The following HAUS8 variants were observed in gnomAD, a reference collection of about 807,000 sequenced individuals.
The protein encoded by HAUS8 is HAUS augmin-like complex subunit 8.
A neutral mutation model predicts 42.9 loss-of-function variants in HAUS8; 38 were observed. The observed-to-expected ratio is 0.89, with a 90% confidence interval of 0.68 to 1.16. The LOEUF is 1.16. Among genes scored for constraint, HAUS8 ranks in the 50% most tolerant of loss-of-function variants. The pLI, the probability that HAUS8 is intolerant of heterozygous loss-of-function variation, is 0.00. For missense variants in HAUS8, 494 were observed against 511.6 expected (o/e 0.97, Z 0.33); for synonymous variants, 199 against 205.8 (o/e 0.97, Z 0.28).
Position 17,050,076 on chromosome 19 carries a change from TG to T in HAUS8, c.1029del (p.Ser344AlafsTer86). ...CTGTCTTGATTGAAATACCACCGGC[TG>T]GGGGGCGCCATGCCCTGGGTCTCTT... is the stretch of plus-strand genomic sequence containing the variant. ...VWEETQGMAP[P>X]SRWYFNQDSA... On this transcript the variant is annotated frameshift_variant, in exon 11 of 11. Transcript: ENST00000253669. LOFTEE classifies it low-confidence loss of function (END_TRUNC). 1.9e-6 allele frequency: 3 copies of T among 1,603,866 alleles called. No homozygotes were observed. The highest frequency in any genetic ancestry group is 2.3e-5 in the East Asian group (1 of 43,828).
In HAUS8 at chr19:17,052,552, G is replaced by T. The variant is rs146824066; in HGVS notation, c.929+273C>A. Reference sequence around the variant, plus strand: ...GAGATCTGCCACTGCACTCCAGCCTGGGCGACAGAGTGAGAACCTGTCTCA... The same window carrying T: ...GAGATCTGCCACTGCACTCCAGCCTTGGCGACAGAGTGAGAACCTGTCTCA... On this transcript the variant is annotated intron_variant, in intron 10 of 10. Transcript: ENST00000253669. 228 of 314,112 alleles carry T rather than the reference G, an allele frequency of 7.3e-4. 1 individual carries two copies. The highest frequency in any genetic ancestry group is 2.7e-3 in the African/African-American group (124 of 45,622). 19.5% of individuals were successfully genotyped at this position (314,112 alleles called of 1,614,324 possible).
chr19:17,065,880 G>A (rs2057384447), intron 3 of HAUS8, among the ~76,000 whole-genome samples: 1 of 150,530 alleles, frequency 6.6e-6, no homozygotes, highest in African/African-American at 2.5e-5. Context: ...TAGCTAACAC[G>A]TGGAGATTCC....
At position 17,058,887 on chromosome 19, in the gene HAUS8, GA is replaced by G. The variant is rs1568636846; in HGVS notation, c.421-12del. 1.2e-6 allele frequency: 2 copies of G among 1,604,998 alleles called. No homozygotes were observed. Among genetic ancestry groups the G allele is most frequent in the African/African-American group, 1.3e-5 (1 of 74,682 alleles). On this transcript the variant is annotated splice_polypyrimidine_tract_variant and intron_variant, in intron 6 of 10. Transcript: ENST00000253669. ...TGCTTCAGATAAATCCTTAAGAAAAGAAAAAGACCCTCTCAATTCCTGATGA... is the reference window on the plus strand; with the variant it reads ...TGCTTCAGATAAATCCTTAAGAAAAGAAAAGACCCTCTCAATTCCTGATGA...
chr19:17,055,695 T>C, intron 9 of HAUS8, 166 bp downstream of exon 9: 1 of 670,954 alleles, frequency 1.5e-6, no homozygotes, highest in South Asian at 1.9e-5. Context: ...GGTTACTTAC[T>C]CAGGGCGAGA....
chr19:17,072,652 T>C (rs114353820), intron 2 of HAUS8, among the ~76,000 whole-genome samples: 1 of 152,012 alleles, frequency 6.6e-6, no homozygotes, highest in Non-Finnish European at 1.5e-5. Flanking sequence ...ATTTCCTTTT[T>C]TTTTGTTTTG....
chr19:17,055,451 C>T (rs1391461849), intron 9 of HAUS8, among the ~76,000 whole-genome samples: 2 of 150,176 alleles, frequency 1.3e-5, no homozygotes, highest in Non-Finnish European at 2.9e-5. Flanking sequence ...CAGTTTTTCA[C>T]ACTTGCCAAA....
chr19:17,050,806 G>C (rs2057282766), intron 10 of HAUS8, among the ~76,000 whole-genome samples: 1 of 152,058 alleles, frequency 6.6e-6, no homozygotes, highest in Admixed American at 6.6e-5. Flanking sequence ...TGAGGCAGGA[G>C]AATCGCTTGA....
chr19:17,059,493 G>T, intron 6 of HAUS8, 64 bp downstream of exon 6: 3 of 1,155,790 alleles, frequency 2.6e-6, no homozygotes, highest in Non-Finnish European at 2.6e-6. Flanking sequence ...ATCTGGTTCA[G>T]AGTGGACTCT....
chr19:17,058,494 T>C, intron 8 of HAUS8, 55 bp downstream of exon 8: 2 of 1,502,440 alleles, frequency 1.3e-6, no homozygotes, highest in Non-Finnish European at 8.9e-7. Flanking sequence ...ACAGTGGAGA[T>C]GGGACAGATT....
chr19:17,068,916 C>A, intron 3 of HAUS8, 115 bp downstream of exon 3: 1 of 901,810 alleles, frequency 1.1e-6, no homozygotes, highest in South Asian at 1.4e-5. Flanking sequence ...GTGAAGATCC[C>A]AAAATGCTTC....
At chr19:17,072,093 G>C (rs1339840934) in intron 2 of HAUS8, among the ~76,000 whole-genome samples, 1 of 152,168 alleles carries the variant, frequency 6.6e-6, no homozygotes, top group Non-Finnish European at 1.5e-5. Flanking sequence ...AAATATTATA[G>C]CTGTTATATG....
intron 6 of HAUS8, 130 bp downstream of exon 6, chr19:17,059,425 ATT>A: frequency 3.1e-6 from 2 of 648,414 alleles, no homozygotes; most frequent in Non-Finnish European, 2.8e-6. Context: ...TGTAGTCTTG[ATT>A]TTTGTCCTAA....
chr19:17,053,947 G>A (rs986886073), intron 9 of HAUS8, among the ~76,000 whole-genome samples: 2 of 152,114 alleles, frequency 1.3e-5, no homozygotes, highest in African/African-American at 2.4e-5. Context: ...ACAAACATGA[G>A]CCACCGTGCT....
At chr19:17,075,254 G>T in intron 1 of HAUS8, 140 bp downstream of exon 1, 1 of 884,442 alleles carries the variant, frequency 1.1e-6, no homozygotes, top group South Asian at 1.4e-5. Context: ...GCACGCCATC[G>T]GGGTCTTCAG....
chr19:17,068,769 CA>C (rs1036345157), intron 3 of HAUS8, among the ~76,000 whole-genome samples: 3 of 148,742 alleles, frequency 2.0e-5, no homozygotes, highest in South Asian at 2.1e-4. Context: ...GCCTCAAAAA[CA>C]AAAAAAAAGG....
In HAUS8 at chr19:17,049,907, G is replaced by A; in HGVS notation, c.1199C>T (p.Pro400Leu). The A allele has an allele frequency of 6.6e-7, 1 of 1,524,482 alleles. No individual in the cohort carries two copies. Among genetic ancestry groups the A allele is most frequent in the Non-Finnish European group, 8.8e-7 (1 of 1,134,652 alleles). The allele number at this position is 1,524,482 out of a possible 1,614,324, so 94.4% of individuals were successfully genotyped here. The change falls in exon 11 of 11, where the codon CCC becomes CTC. Residue 400 changes from proline (P) to leucine (L), a missense_variant. Physicochemically the swap from Pro to Leu is moderately conservative, Grantham distance 98. Coordinates refer to ENST00000253669, the MANE Select transcript of HAUS8 (RefSeq NM_033417.2). ...GTCCCTCCCTGAACGAGAGAGAGAG[G>A]GCGGGACTTCTGCCTGGCTGCTTGA... Reference protein sequence around the residue: ...FSSSSQAEVPPSLSRSGRDLS With the variant: ...FSSSSQAEVPLSLSRSGRDLS
In HAUS8 at chr19:17,055,912, C is replaced by T. The variant is rs1446366114; in HGVS notation, c.736G>A (p.Glu246Lys). The stretch of plus-strand genomic sequence containing the variant: ...AGGTGGATGGACCTCACGGGCAGCT[C>T]GTGCCTGGTAGTGTCCAGGGCCGTG... ...FATALDTTRH[E>K]LPVRSIHLEG... Residue 246 changes from glutamate (E) to lysine (K), a missense_variant, in exon 9 of 11, where the codon GAG becomes AAG. Glu to Lys is a moderately conservative substitution (Grantham distance 56, BLOSUM62 1). Transcript: ENST00000253669. 2.5e-6 allele frequency: 4 copies of T among 1,614,178 alleles called. No homozygotes were observed. The highest frequency in any genetic ancestry group is 1.3e-5 in the African/African-American group (1 of 75,066).
At position 17,058,818 on chromosome 19, in the gene HAUS8, G is replaced by T; in HGVS notation, c.479C>A (p.Ser160Tyr). The T allele has an allele frequency of 1.2e-6, 2 of 1,613,338 alleles. No individual in the cohort carries two copies. The highest frequency in any genetic ancestry group is 1.7e-6 in the Non-Finnish European group (2 of 1,179,726). Reference protein sequence around the residue: ...ESQTLLLTLLSVKMENNLAEF... With the variant: ...ESQTLLLTLLYVKMENNLAEF... ...ACAAGAAACTGTTTTCACCTTTACGGATAGTAGCGTCAGCAGTAGTGTCTG... is the reference window on the plus strand; with the variant it reads ...ACAAGAAACTGTTTTCACCTTTACGTATAGTAGCGTCAGCAGTAGTGTCTG... Residue 160 changes from serine to tyrosine, a missense_variant, in exon 7 of 11, where the codon TCC (serine) becomes TAC (tyrosine). Physicochemically the swap from Ser to Tyr is moderately radical, Grantham distance 144. Coordinates refer to ENST00000253669, the MANE Select transcript of HAUS8 (RefSeq NM_033417.2).
At chr19:17,064,665 T>G (rs2057377885) in intron 3 of HAUS8, among the ~76,000 whole-genome samples, 1 of 152,190 alleles carries the variant, frequency 6.6e-6, no homozygotes, top group East Asian at 1.9e-4. Flanking sequence ...TGAACACCCA[T>G]ACATGAAAAA....
Sources: allele counts gnomAD v4.1 joint callset (sites outside exome capture counted in the v4.1 genomes callset), GRCh38; gene constraint gnomAD v4.1.1; transcripts MANE v1.5; gene names NCBI Gene and HGNC (gene_info 2026-07-23, HGNC 2026-07-21).